Variants in KLF12 observed in about 807,000 individuals in gnomAD.
KLF12 encodes Krueppel-like factor 12.
Under a neutral mutation model 37.8 loss-of-function variants are expected in KLF12, and 9 were observed. The observed-to-expected ratio is 0.24, with a 90% CI of 0.14 to 0.42. The LOEUF (loss-of-function observed/expected upper bound fraction) is 0.42. KLF12 is among the 10% of genes least tolerant of loss of function. The pLI is 1.00. For synonymous variants in KLF12, 208 were observed against 202.1 expected, an observed-to-expected ratio of 1.03 and a Z score of -0.25; for missense variants, 411 against 516.0, an observed-to-expected ratio of 0.80 and a Z score of 1.97.
intron 1 of KLF12, among the ~76,000 whole-genome samples, chr13:74,083,377 C>T (rs1376622915): frequency 2.6e-5 from 4 of 151,922 alleles, no homozygotes; most frequent in African/African-American, 4.8e-5. Flanking sequence ...TATGGTGACG[C>T]GTGCCTGTAG....
chr13:73,917,138 C>T (rs1888886409), intron 3 of KLF12, among the ~76,000 whole-genome samples: 1 of 152,162 alleles, frequency 6.6e-6, no homozygotes, highest in South Asian at 2.1e-4. Context: ...TACCAAGTGT[C>T]TGATTGGCCC....
At chr13:74,030,947 A>AT (rs1251104973) in intron 1 of KLF12, among the ~76,000 whole-genome samples, 1 of 152,150 alleles carries the variant, frequency 6.6e-6, no homozygotes, top group Non-Finnish European at 1.5e-5. Flanking sequence ...CGGCTGCACT[A>AT]TACTGAAGAT....
At position 73,799,396 on chromosome 13, in the gene KLF12, C is replaced by G. The variant is rs147582382; in HGVS notation, c.806+13756G>C. On this transcript the variant is annotated intron_variant, in intron 5 of 7. Transcript: ENST00000377669. ...TATGTAACAAACCTTCACATGTACC[C>G]TGGAACCTAAAATAAAAAGAAATGA... Among the ~76,000 whole-genome samples, 14 of 152,002 alleles carry G rather than the reference C, an allele frequency of 9.2e-5. No homozygotes were observed. In the East Asian group the frequency reaches 2.7e-3, roughly 29 times the overall value.
At chr13:73,941,796 AGAAT>A (rs1252727043) in intron 3 of KLF12, among the ~76,000 whole-genome samples, 15 of 152,224 alleles carry the variant, frequency 9.9e-5, no homozygotes, top group Admixed American at 9.8e-4. Flanking sequence ...GCTACAAAAG[AGAAT>A]GAAATTGTAT....
the KLF12 span, among the ~76,000 whole-genome samples, chr13:74,266,355 G>T: frequency 6.6e-6 from 1 of 152,094 alleles, no homozygotes; most frequent in African/African-American, 2.4e-5. Context: ...CTGGCATTAT[G>T]ATCTGAATTT....
chr13:73,763,023 G>A (rs992447169), intron 6 of KLF12, among the ~76,000 whole-genome samples: 12 of 152,072 alleles, frequency 7.9e-5, no homozygotes, highest in Non-Finnish European at 1.5e-4. Context: ...CTTTCTATGC[G>A]TGCATCAATC....
At chr13:73,724,850 G>A (rs1055968074) in intron 6 of KLF12, among the ~76,000 whole-genome samples, 6 of 152,124 alleles carry the variant, frequency 3.9e-5, no homozygotes, top group African/African-American at 1.4e-4. Flanking sequence ...AGACTTTTCC[G>A]CTTTCCAATG....
chr13:74,261,722 G>T, the KLF12 span, among the ~76,000 whole-genome samples: 2 of 152,140 alleles, frequency 1.3e-5, no homozygotes, highest in African/African-American at 4.8e-5. Flanking sequence ...CAGAAATCTA[G>T]GTGTGCCTGA....
At chr13:73,852,956 G>A (rs1248935670) in intron 3 of KLF12, among the ~76,000 whole-genome samples, 3 of 146,746 alleles carry the variant, frequency 2.0e-5, no homozygotes, top group South Asian at 2.2e-4. Flanking sequence ...TGCAAGCTCC[G>A]CCTGCCGGGT....
chr13:73,971,469 G>A (rs372945374), intron 2 of KLF12, among the ~76,000 whole-genome samples: 5 of 151,904 alleles, frequency 3.3e-5, no homozygotes, highest in South Asian at 2.1e-4. Flanking sequence ...AATTTATTTC[G>A]GCTATATCAC....
At chr13:73,974,614 T>C (rs1891454781) in intron 2 of KLF12, among the ~76,000 whole-genome samples, 1 of 152,216 alleles carries the variant, frequency 6.6e-6, no homozygotes, top group Non-Finnish European at 1.5e-5. Flanking sequence ...AGAGACGCTA[T>C]GGCAAAAGGA....
intron 1 of KLF12, among the ~76,000 whole-genome samples, chr13:74,019,523 T>C (rs979261312): frequency 1.3e-5 from 2 of 152,228 alleles, no homozygotes; most frequent in Non-Finnish European, 2.9e-5. Flanking sequence ...TTACTCATAA[T>C]AGGTCTTTTT....
At chr13:74,258,486 G>A in the KLF12 span, 2 of 152,218 alleles carry the variant, frequency 1.3e-5, no homozygotes, top group Non-Finnish European at 2.9e-5. Flanking sequence ...ACCAAAACAA[G>A]CAGAGATTAA....
chr13:73,848,329 C>T (rs1885137654), intron 3 of KLF12, among the ~76,000 whole-genome samples: 1 of 151,940 alleles, frequency 6.6e-6, no homozygotes, highest in Non-Finnish European at 1.5e-5. Flanking sequence ...TAAATGCGGA[C>T]CTTATCTGTA....
At chr13:74,160,867 TA>T in the KLF12 span, among the ~76,000 whole-genome samples, 2 of 152,176 alleles carry the variant, frequency 1.3e-5, no homozygotes, top group East Asian at 3.9e-4. Context: ...TTGTGGGAAT[TA>T]AAAAAGTTCT....
the KLF12 span, among the ~76,000 whole-genome samples, chr13:74,209,553 C>T: frequency 6.6e-6 from 1 of 151,452 alleles, no homozygotes; most frequent in Non-Finnish European, 1.5e-5. Context: ...CACACACACA[C>T]ACACAGACAA....
At chr13:74,205,977 A>G in the KLF12 span, among the ~76,000 whole-genome samples, 32 of 152,174 alleles carry the variant, frequency 2.1e-4, no homozygotes, top group African/African-American at 7.7e-4. Context: ...CACAGAGATG[A>G]CAAGAGATGC....
At chr13:74,069,564 C>A (rs936240959) in intron 1 of KLF12, among the ~76,000 whole-genome samples, 7 of 152,042 alleles carry the variant, frequency 4.6e-5, no homozygotes, top group Admixed American at 4.6e-4. Flanking sequence ...ACCAGGAGGA[C>A]AATGTTATTT....
chr13:73,994,990 C>A lies in KLF12; in HGVS notation c.33G>T (p.Lys11Asn). 1.3e-6 allele frequency: 2 copies of A among 1,594,184 alleles called. No homozygotes were observed. The highest frequency in any genetic ancestry group is 1.1e-5 in the South Asian group (1 of 90,190). ...CAATTTTAACATCTGACTAACCAAC[C>A]TTTATTGTTTTTCTCTTCATATGGA... The change falls in exon 2 of 8, where the codon AAG (lysine) becomes AAT (asparagine). Residue 11 changes from lysine (K) to asparagine (N), a missense_variant and splice_region_variant. Around this residue, in one of 2 missense-constraint regions of KLF12, gnomAD observed 351 missense variants for 397.8 expected, o/e 0.88. Coordinates refer to ENST00000377669, the MANE Select transcript of KLF12 (RefSeq NM_007249.5).
Sources: gnomAD v4.1 joint callset for allele counts (sites outside exome capture counted in the v4.1 genomes callset) on GRCh38, gnomAD v4.1.1 for gene constraint, gnomAD v4.1.1 regional missense constraint, MANE v1.5 for transcripts, NCBI Gene and HGNC (gene_info 2026-07-23, HGNC 2026-07-21) for gene names.